FGF14: variants seen among roughly 807,000 people sequenced by gnomAD.
FGF14 encodes the protein fibroblast growth factor 14, also known as fibroblast growth factor homologous factor 4.
A neutral mutation model predicts 25.5 loss-of-function variants in FGF14; 5 were observed. The observed-to-expected ratio is 0.20, with a 90% CI of 0.10 to 0.41. FGF14 has a LOEUF of 0.41. FGF14 is among the 10% of genes least tolerant of loss of function. The pLI is 1.00. For synonymous variants in FGF14, 138 were observed against 118.3 expected (o/e 1.17, Z -1.08); for missense variants, 222 against 320.1 (o/e 0.69, Z 2.34).
At chr13:101,909,549 C>T (rs1468295365) in intron 1 of FGF14, among the ~76,000 whole-genome samples, 1 of 152,196 alleles carries the variant, frequency 6.6e-6, no homozygotes, top group Non-Finnish European at 1.5e-5. Flanking sequence ...GAGATACCAT[C>T]TCACACCAGT....
intron 1 of FGF14, among the ~76,000 whole-genome samples, chr13:102,280,966 G>A (rs1347054608): frequency 6.6e-6 from 1 of 152,186 alleles, no homozygotes; most frequent in Admixed American, 6.5e-5. Flanking sequence ...ACAATCTCTA[G>A]AGGAGGAGTA....
rs114459132 is a variant in FGF14 at position 102,333,794 on chromosome 13, G to T, written c.208+67677C>A. Among the ~76,000 whole-genome samples the T allele has an allele frequency of 3.4e-3, 518 of 152,286 alleles. 2 individuals carry two copies. The highest frequency in any genetic ancestry group is 0.012 in the African/African-American group (483 of 41,562). ...AGAAAAAAGAGGTATTTGGTCATTTGTTATGGTAATCACCAGCGTGTAAAG... is the reference window on the plus strand; with the variant it reads ...AGAAAAAAGAGGTATTTGGTCATTTTTTATGGTAATCACCAGCGTGTAAAG... On this transcript the variant is annotated intron_variant, in intron 1 of 4. Transcript: ENST00000376131.
chr13:101,982,950 A>C (rs564242251), intron 1 of FGF14, among the ~76,000 whole-genome samples: 1 of 152,328 alleles, frequency 6.6e-6, no homozygotes, highest in East Asian at 1.9e-4. Context: ...GCTTGGGTAC[A>C]TTAATGCTAT....
At chr13:102,287,352 T>G (rs1304605053) in intron 1 of FGF14, among the ~76,000 whole-genome samples, 1 of 151,004 alleles carries the variant, frequency 6.6e-6, no homozygotes, top group Non-Finnish European at 1.5e-5. Flanking sequence ...AAAGCCACCT[T>G]AGTTTATGAC....
intron 1 of FGF14, among the ~76,000 whole-genome samples, chr13:102,397,908 C>A (rs1354383114): frequency 1.3e-5 from 2 of 151,996 alleles, no homozygotes; most frequent in African/African-American, 4.8e-5. Context: ...AATGATTTGC[C>A]TAAAATAAAG....
At chr13:102,044,253 C>G (rs1595091897) in intron 1 of FGF14, among the ~76,000 whole-genome samples, 2 of 152,278 alleles carry the variant, frequency 1.3e-5, no homozygotes, top group Middle Eastern at 6.8e-3. Context: ...TACACAGGTA[C>G]TCTCCTCCTC....
At chr13:101,964,764 T>TC (rs1293927862) in intron 1 of FGF14, among the ~76,000 whole-genome samples, 2 of 152,128 alleles carry the variant, frequency 1.3e-5, no homozygotes, top group African/African-American at 4.8e-5. Context: ...TTCATTTTTT[T>TC]TCTTTCTTTT....
At chr13:101,885,130 T>C (rs1190700903) in intron 1 of FGF14, among the ~76,000 whole-genome samples, 1 of 152,172 alleles carries the variant, frequency 6.6e-6, no homozygotes, top group Admixed American at 6.6e-5. Flanking sequence ...AAGCAAACTG[T>C]GAGATGTGGA....
chr13:102,294,314 C>G (rs1447836144), intron 1 of FGF14, among the ~76,000 whole-genome samples: 1 of 151,520 alleles, frequency 6.6e-6, no homozygotes, highest in African/African-American at 2.4e-5. Context: ...TCTTCATCTT[C>G]CACTGACTTT....
At chr13:102,171,966 T>G (rs892037021) in intron 1 of FGF14, among the ~76,000 whole-genome samples, 1 of 138,018 alleles carries the variant, frequency 7.2e-6, no homozygotes, top group African/African-American at 2.9e-5. Context: ...GATATGCACT[T>G]ACCATGTATT....
chr13:102,157,679 G>A (rs1464256473), intron 1 of FGF14, among the ~76,000 whole-genome samples: 1 of 152,164 alleles, frequency 6.6e-6, no homozygotes, highest in African/African-American at 2.4e-5. Context: ...AAACTAAAGA[G>A]CTTCTGCACA....
rs140739582 is a variant in FGF14, at chr13:102,121,487, A to T, written c.209-246191T>A. Among the ~76,000 whole-genome samples the T allele has an allele frequency of 7.3e-3, 1,106 of 152,318 alleles. 20 individuals carry two copies. The highest frequency in any genetic ancestry group is 0.025 in the African/African-American group (1,044 of 41,552). ...ATTTACTACTAATAAGCATAGTAAA[A>T]CTAAATGCAGAAGAAAAAGTTTAAC... On this transcript the variant is annotated intron_variant, in intron 1 of 4. Coordinates refer to the FGF14 transcript ENST00000376131.
At chr13:101,958,797 CGTT>C (rs773975156) in intron 1 of FGF14, among the ~76,000 whole-genome samples, 2 of 152,214 alleles carry the variant, frequency 1.3e-5, no homozygotes, top group Admixed American at 6.5e-5. Flanking sequence ...TATTTTATAA[CGTT>C]GCCTAAGCAA....
chr13:101,909,716 A>G (rs1404910543), intron 1 of FGF14, among the ~76,000 whole-genome samples: 1 of 152,180 alleles, frequency 6.6e-6, no homozygotes, highest in African/African-American at 2.4e-5. Context: ...TAGAAATACC[A>G]TTTGACCCAG....
chr13:102,293,272 T>C (rs1427735548), intron 1 of FGF14: 3 of 152,228 alleles, frequency 2.0e-5, no homozygotes, highest in Admixed American at 6.5e-5. Context: ...GTTTCAGCAT[T>C]CACTCTGTAA....
chr13:101,799,130 T>A lies in FGF14; in HGVS notation c.408+69595A>T, dbSNP rs141096608. Among the ~76,000 whole-genome samples, 3 of 152,228 alleles carry A rather than the reference T, an allele frequency of 2.0e-5. No homozygotes were observed. In the East Asian group the frequency reaches 5.8e-4, roughly 29 times the overall value. On this transcript the variant is annotated intron_variant, in intron 3 of 4. Coordinates refer to ENST00000376143, the MANE Select transcript of FGF14 (RefSeq NM_004115.4). The stretch of plus-strand genomic sequence containing the variant: ...CATGAGTGTACACAATTGTTCAACA[T>A]CTACTCAAGTCTCAGCATAATTTGG...
intron 3 of FGF14, among the ~76,000 whole-genome samples, chr13:101,763,972 A>C (rs2038218776): frequency 6.6e-6 from 1 of 151,792 alleles, no homozygotes. Context: ...ATTTGGTCCT[A>C]TATGTATGCA....
intron 1 of FGF14, among the ~76,000 whole-genome samples, chr13:101,977,991 C>T (rs1389769596): frequency 1.3e-5 from 2 of 151,280 alleles, no homozygotes; most frequent in African/African-American, 4.9e-5. Flanking sequence ...AAAGAAAATG[C>T]TAGTGAACTA....
intron 1 of FGF14, among the ~76,000 whole-genome samples, chr13:102,369,065 C>A (rs6491681): frequency 1.3e-5 from 2 of 152,016 alleles, no homozygotes; most frequent in African/African-American, 4.8e-5. Flanking sequence ...TACTTCCTCA[C>A]TGAAAAACTA....
Sources: gnomAD v4.1 joint callset for allele counts (sites outside exome capture counted in the v4.1 genomes callset) on GRCh38, gnomAD v4.1.1 for gene constraint, MANE v1.5 for transcripts, NCBI Gene and HGNC (gene_info 2026-07-23, HGNC 2026-07-21) for gene names.